AIM2: variants seen among roughly 807,000 people sequenced by gnomAD.
AIM2 encodes absent in melanoma 2, also known as interferon-inducible protein AIM2.
AIM2 carries 30 observed loss-of-function variants against 27.7 expected under a neutral mutation model. The observed-to-expected ratio is 1.08, with a 90% CI of 0.81 to 1.47. The LOEUF (loss-of-function observed/expected upper bound fraction) is 1.47. AIM2 is among the 40% of genes most tolerant of loss of function. The pLI is 0.00. For synonymous variants in AIM2, 141 were observed against 145.3 expected (o/e 0.97, Z 0.21); for missense variants, 358 against 411.3 (o/e 0.87, Z 1.12).
chr1:159,062,078 C>T (rs1655856372), downstream of AIM2, among the ~76,000 whole-genome samples: 1 of 151,438 alleles, frequency 6.6e-6, no homozygotes, highest in Non-Finnish European at 1.5e-5. Flanking sequence ...TTAGTCTTTT[C>T]TCCACTGAAC....
intron 1 of AIM2, among the ~76,000 whole-genome samples, chr1:159,135,478 C>A (rs1033723987): frequency 1.3e-5 from 2 of 152,148 alleles, no homozygotes; most frequent in East Asian, 3.8e-4. Flanking sequence ...AAGTCTACGA[C>A]TTCAGAGAAA....
At chr1:159,062,227 A>G (rs564899766), downstream of AIM2, among the ~76,000 whole-genome samples, 7 of 152,302 alleles carry the variant, frequency 4.6e-5, no homozygotes, top group South Asian at 1.4e-3. Flanking sequence ...CTTTTAAAAT[A>G]TTTCTAAATC....
In AIM2 at chr1:159,062,664, T is replaced by C. The variant is rs377225564; in HGVS notation, c.*28A>G. On this transcript the variant is annotated 3_prime_UTR_variant, in exon 6 of 6. Transcript: ENST00000368130. ...TTCAATTAAATGCTGCTTAGACCAG[T>C]TGGCTTGAATTGGTCCTTTTTACTT... 2.2e-5 allele frequency: 35 copies of C among 1,610,710 alleles called. No homozygotes were observed. The highest frequency in any genetic ancestry group is 2.9e-5 in the Non-Finnish European group (34 of 1,177,394).
intron 1 of AIM2, among the ~76,000 whole-genome samples, chr1:159,076,400 G>A (rs1656610806): frequency 6.6e-6 from 1 of 152,196 alleles, no homozygotes. Context: ...TAGGCTGATA[G>A]ACAAACCCCA....
At chr1:159,101,177 C>T (rs1197032424) in intron 1 of AIM2, among the ~76,000 whole-genome samples, 1 of 150,504 alleles carries the variant, frequency 6.6e-6, no homozygotes, top group Non-Finnish European at 1.5e-5. Context: ...GATCATGGGG[C>T]TGTTGGGGGC....
intron 1 of AIM2, among the ~76,000 whole-genome samples, chr1:159,100,039 C>T (rs1329314436): frequency 6.6e-6 from 1 of 152,204 alleles, no homozygotes; most frequent in Non-Finnish European, 1.5e-5. Context: ...ACCCTGACAC[C>T]ATGCCCACAA....
At chr1:159,072,432 C>T (rs757438542) in intron 2 of AIM2, among the ~76,000 whole-genome samples, 3 of 152,132 alleles carry the variant, frequency 2.0e-5, no homozygotes, top group Non-Finnish European at 2.9e-5. Context: ...ACTTTGAATC[C>T]TAAAACTGTT....
intron 1 of AIM2, among the ~76,000 whole-genome samples, chr1:159,113,941 A>T (rs1647257822): frequency 6.6e-6 from 1 of 152,250 alleles, no homozygotes; most frequent in African/African-American, 2.4e-5. Flanking sequence ...CCTGGGAAAG[A>T]GAAGGCACAA....
chr1:159,094,570 C>T (rs955190513), intron 1 of AIM2, among the ~76,000 whole-genome samples: 1 of 152,106 alleles, frequency 6.6e-6, no homozygotes, highest in Non-Finnish European at 1.5e-5. Flanking sequence ...TGGTGGCGTG[C>T]ACCAGTAATC....
chr1:159,068,799 A>G (rs1211464592), intron 2 of AIM2, 98 bp from the exon 3 acceptor site: 1 of 1,243,588 alleles, frequency 8.0e-7, no homozygotes, highest in Non-Finnish European at 1.1e-6. Context: ...AACCATATTA[A>G]GATATCTTCA....
intron 4 of AIM2, among the ~76,000 whole-genome samples, chr1:159,064,415 G>T (rs1336451500): frequency 6.6e-6 from 1 of 152,220 alleles, no homozygotes; most frequent in Non-Finnish European, 1.5e-5. Context: ...CCAGCAGCCA[G>T]ATTAGTCAAG....
chr1:159,138,854 A>G (rs1648059685), intron 1 of AIM2, among the ~76,000 whole-genome samples: 1 of 152,218 alleles, frequency 6.6e-6, no homozygotes, highest in African/African-American at 2.4e-5. Flanking sequence ...CTTTTCAATT[A>G]ATGATCAGCT....
chr1:159,103,243 T>A (rs1657353931), intron 1 of AIM2, among the ~76,000 whole-genome samples: 1 of 152,216 alleles, frequency 6.6e-6, no homozygotes, highest in African/African-American at 2.4e-5. Flanking sequence ...ACCATGATTG[T>A]AAGTTTTCTG....
intron 1 of AIM2, among the ~76,000 whole-genome samples, chr1:159,111,831 C>CATCCATCT (rs1657582441): frequency 7.3e-6 from 1 of 137,582 alleles, no homozygotes; most frequent in Non-Finnish European, 1.5e-5. Flanking sequence ...ATCTATCTAT[C>CATCCATCT]ATCTATCTAT....
At chr1:159,070,887 G>A (rs1656330165) in intron 2 of AIM2, among the ~76,000 whole-genome samples, 1 of 152,160 alleles carries the variant, frequency 6.6e-6, no homozygotes, top group Non-Finnish European at 1.5e-5. Context: ...AGCATCAAGG[G>A]AGGCGGAAGG....
upstream of AIM2, among the ~76,000 whole-genome samples, chr1:159,145,248 A>G (rs1374570022): frequency 6.6e-6 from 1 of 152,170 alleles, no homozygotes; most frequent in Non-Finnish European, 1.5e-5. Context: ...ATGGACATAC[A>G]TACCCACAAT....
At chr1:159,121,550 T>G (rs544703120) in intron 1 of AIM2, among the ~76,000 whole-genome samples, 1 of 152,306 alleles carries the variant, frequency 6.6e-6, no homozygotes, top group South Asian at 2.1e-4. Flanking sequence ...CTTCAACACC[T>G]GCGCTCTCAG....
chr1:159,057,812 A>G (rs990524021), downstream of AIM2, among the ~76,000 whole-genome samples: 3 of 152,180 alleles, frequency 2.0e-5, no homozygotes, highest in African/African-American at 7.2e-5. Flanking sequence ...GATAGGACTG[A>G]GTTGTTTGCA....
intron 1 of AIM2, among the ~76,000 whole-genome samples, chr1:159,092,773 T>C (rs1001713323): frequency 1.3e-5 from 2 of 152,048 alleles, no homozygotes; most frequent in South Asian, 2.1e-4. Context: ...CCTGTAATCC[T>C]AGAACTTTGG....
Sources: gnomAD v4.1 joint callset for allele counts (sites outside exome capture counted in the v4.1 genomes callset) on GRCh38, gnomAD v4.1.1 for gene constraint, MANE v1.5 for transcripts, NCBI Gene and HGNC (gene_info 2026-07-23, HGNC 2026-07-21) for gene names.